Variants in FAM98B observed in about 807,000 individuals in gnomAD.
FAM98B encodes the protein tRNA-splicing ligase complex subunit FAM98B.
A neutral mutation model predicts 43.9 loss-of-function variants in FAM98B; 32 were observed. The observed-to-expected ratio is 0.73, with a 90% CI of 0.55 to 0.98. The LOEUF (loss-of-function observed/expected upper bound fraction) is 0.98, where lower values mean the gene tolerates loss of function less well. Ranked by LOEUF, FAM98B falls within the 50% of genes least tolerant of loss-of-function variation. FAM98B has a pLI of 0.00. For missense variants in FAM98B, 514 were observed against 522.9 expected, an observed-to-expected ratio of 0.98 and a Z score of 0.17; for synonymous variants, 190 against 174.0, an observed-to-expected ratio of 1.09 and a Z score of -0.72.
At chr15:38,481,171 TC>T (rs1890277849) in intron 6 of FAM98B, 120 bp from the exon 7 acceptor site, 2 of 761,022 alleles carry the variant, frequency 2.6e-6, no homozygotes, top group African/African-American at 3.5e-5. Context: ...GTGTTTTTGC[TC>T]TTTTCTAACT....
intron 7 of FAM98B, chr15:38,482,438 C>A (rs1372348718): frequency 6.6e-6 from 1 of 152,158 alleles, no homozygotes; most frequent in East Asian, 1.9e-4. Context: ...TGAGGGTAGT[C>A]TTATGATCAG....
intron 1 of FAM98B, among the ~76,000 whole-genome samples, chr15:38,462,391 A>G (rs1038418910): frequency 6.6e-6 from 1 of 152,216 alleles, no homozygotes; most frequent in Non-Finnish European, 1.5e-5. Context: ...TTAATGTTTT[A>G]CATAATTATA....
At chr15:38,476,557 CAG>C (rs1234212399) in intron 6 of FAM98B, among the ~76,000 whole-genome samples, 2 of 150,998 alleles carry the variant, frequency 1.3e-5, no homozygotes, top group African/African-American at 4.9e-5. Context: ...TTCAGTTTCT[CAG>C]AAATGTTTTT....
chr15:38,475,470 G>T (rs565071768), intron 6 of FAM98B, among the ~76,000 whole-genome samples: 1 of 152,142 alleles, frequency 6.6e-6, no homozygotes, highest in Non-Finnish European at 1.5e-5. Flanking sequence ...GGATCCTTTA[G>T]GGGAGAATCT....
rs771247352 is a variant in FAM98B, at chr15:38,470,378, G to T, written c.504G>T (p.Pro168=). The T allele has an allele frequency of 3.1e-6, 5 of 1,598,590 alleles. No individual in the cohort carries two copies. In the African/African-American group the frequency reaches 6.8e-5, roughly 22 times the overall value. Residue 168 remains proline, a synonymous_variant, in exon 4 of 8, where the codon CCG becomes CCT. Transcript: ENST00000397609. ...GIPKSTTSDI[P]HMLNQVESKV... ...CCAAGTCAACAACTTCTGACATTCC[G>T]CATATGCTAAACCAAGTGGAATCAA...
At chr15:38,480,222 T>A (rs55646871) in intron 6 of FAM98B, among the ~76,000 whole-genome samples, 38,990 of 151,850 alleles carry the variant, frequency 0.26, 5,296 homozygotes, top group East Asian at 0.52. Context: ...AACTTTTTGT[T>A]CTCTTTGGAA....
At chr15:38,457,078 CTG>C (rs1483116948) in intron 1 of FAM98B, among the ~76,000 whole-genome samples, 3 of 152,172 alleles carry the variant, frequency 2.0e-5, no homozygotes, top group Non-Finnish European at 4.4e-5. Flanking sequence ...AGTTAATAGT[CTG>C]TGAAAGAAAT....
intron 3 of FAM98B, among the ~76,000 whole-genome samples, chr15:38,466,243 A>G (rs1035962518): frequency 6.6e-6 from 1 of 151,236 alleles, no homozygotes; most frequent in African/African-American, 2.4e-5. Flanking sequence ...AAGTATTGGC[A>G]TTGAAATTAC....
chr15:38,470,553 C>T (rs1025281735), intron 4 of FAM98B, 148 bp downstream of exon 4: 8 of 637,694 alleles, frequency 1.3e-5, no homozygotes, highest in African/African-American at 5.8e-5. Context: ...TGGATTCAGA[C>T]TTAACAGGCA....
At chr15:38,466,549 T>C (rs1329846760) in intron 3 of FAM98B, among the ~76,000 whole-genome samples, 1 of 152,092 alleles carries the variant, frequency 6.6e-6, no homozygotes, top group Non-Finnish European at 1.5e-5. Context: ...CTGGTACAAG[T>C]AGGAATAAAA....
chr15:38,472,221 A>C (rs74518327), intron 4 of FAM98B, among the ~76,000 whole-genome samples: 21 of 152,174 alleles, frequency 1.4e-4, no homozygotes, highest in African/African-American at 4.8e-4. Flanking sequence ...AACTACAAGT[A>C]TACATTGAGA....
intron 3 of FAM98B, 127 bp downstream of exon 3, chr15:38,465,530 C>T: frequency 1.2e-6 from 1 of 828,048 alleles, no homozygotes; most frequent in Non-Finnish European, 1.7e-6. Context: ...ACTTAAAATA[C>T]AAAGCTATCT....
At chr15:38,470,822 C>A (rs557682506) in intron 4 of FAM98B, among the ~76,000 whole-genome samples, 2 of 152,136 alleles carry the variant, frequency 1.3e-5, no homozygotes, top group South Asian at 4.1e-4. Flanking sequence ...AGTGAGCATG[C>A]AGTTTTTGGT....
chr15:38,479,435 A>G (rs934505459), intron 6 of FAM98B, among the ~76,000 whole-genome samples: 3 of 152,182 alleles, frequency 2.0e-5, no homozygotes, highest in Non-Finnish European at 4.4e-5. Flanking sequence ...AACCATTACT[A>G]TAATATACTT....
chr15:38,481,256 C>T (rs760884102), intron 6 of FAM98B, 36 bp from the exon 7 acceptor site: 16 of 1,544,196 alleles, frequency 1.0e-5, no homozygotes, highest in Non-Finnish European at 1.4e-5. Flanking sequence ...TTAAAATGTA[C>T]TTTTGTTCCT....
intron 6 of FAM98B, 141 bp downstream of exon 6, chr15:38,474,439 A>G: frequency 1.8e-6 from 1 of 564,388 alleles, no homozygotes; most frequent in African/African-American, 1.8e-5. Flanking sequence ...CTGGTCTTAC[A>G]AGATGATCCT....
rs1271935535 is a variant in FAM98B, at chr15:38,472,361, C to A, written c.532-1144C>A. 5.3e-5 allele frequency among the ~76,000 whole-genome samples: 8 copies of A among 151,926 alleles called. No homozygotes were observed. In the East Asian group the frequency reaches 1.3e-3, roughly 26 times the overall value. On this transcript the variant is annotated intron_variant, in intron 4 of 7. Coordinates refer to ENST00000397609, the MANE Select transcript of FAM98B (RefSeq NM_173611.4). ...TTTTAAGAAAATAAATTAATAATTT[C>A]TTTAAAATATGTACAAATTGTATCA...
intron 1 of FAM98B, among the ~76,000 whole-genome samples, chr15:38,462,445 G>C (rs891366539): frequency 6.6e-6 from 1 of 152,102 alleles, no homozygotes; most frequent in African/African-American, 2.4e-5. Context: ...ACAAATTAAA[G>C]CTGAACAAAA....
At chr15:38,455,710 T>C (rs1322613718) in intron 1 of FAM98B, among the ~76,000 whole-genome samples, 1 of 152,212 alleles carries the variant, frequency 6.6e-6, no homozygotes, top group Non-Finnish European at 1.5e-5. Flanking sequence ...GGTAAGAATA[T>C]TGGGAACTCA....
Sources: allele counts gnomAD v4.1 joint callset (sites outside exome capture counted in the v4.1 genomes callset), GRCh38; gene constraint gnomAD v4.1.1; transcripts MANE v1.5; gene names NCBI Gene and HGNC (gene_info 2026-07-23, HGNC 2026-07-21).